Variants in ADCY3 observed in about 807,000 individuals in gnomAD.
The protein encoded by ADCY3 is adenylate cyclase 3.
Under a neutral mutation model 119.4 loss-of-function variants are expected in ADCY3, and 70 were observed. That is an observed-to-expected ratio of 0.59 (90% CI 0.48 to 0.72). The LOEUF is 0.72. ADCY3 is among the 30% of genes least tolerant of loss of function. The pLI is 0.00. For missense variants in ADCY3, 1,238 were observed against 1,541.6 expected, an observed-to-expected ratio of 0.80 and a Z score of 3.30; for synonymous variants, 672 against 621.4, an observed-to-expected ratio of 1.08 and a Z score of -1.21.
chr2:24,895,628 CTT>C (rs921200012), intron 2 of ADCY3, among the ~76,000 whole-genome samples: 1 of 145,944 alleles, frequency 6.9e-6, no homozygotes, highest in Non-Finnish European at 1.5e-5. Context: ...CTTTCTTCTT[CTT>C]TTTTTTTTTC....
At chr2:24,891,913 T>C (rs1677704563) in intron 2 of ADCY3, among the ~76,000 whole-genome samples, 1 of 152,148 alleles carries the variant, frequency 6.6e-6, no homozygotes, top group Non-Finnish European at 1.5e-5. Context: ...AGGAAAAATA[T>C]GGTATATATA....
chr2:24,872,918 T>A lies in ADCY3; in HGVS notation c.676-199A>T, dbSNP rs1423665171. 6.6e-6 allele frequency among the ~76,000 whole-genome samples: 1 copy of A among 152,124 alleles called. No individual in the cohort carries two copies. The highest frequency in any genetic ancestry group is 6.5e-5 in the Admixed American group (1 of 15,278). The stretch of plus-strand genomic sequence containing the variant: ...CACCACATGTACCACGGATGGGTGG[T>A]CCACCCAGGGGCATGGCTCAAGGCC... On this transcript the variant is annotated intron_variant, in intron 2 of 21. Coordinates refer to ENST00000679454, the MANE Select transcript of ADCY3 (RefSeq NM_004036.5). The surrounding 1 kb of genome is among the most constrained non-coding windows in gnomAD (Gnocchi z 4.4).
rs1225900836 is a variant in ADCY3 at position 24,838,682 on chromosome 2, G to A, written c.1356-60C>T. On this transcript the variant is annotated intron_variant, in intron 7 of 21. Transcript: ENST00000679454. ...CAGAGGTGGCCCTCACACCCCCAGG[G>A]GACAGTCCACGGACCACGGCTGCAC... The A allele has an allele frequency of 1.9e-6, 3 of 1,605,922 alleles. No individual in the cohort carries two copies. The African/African-American group carries it at 4.0e-5, about 21-fold the overall frequency.
chr2:24,877,760 G>GCA (rs1233363114), intron 2 of ADCY3, among the ~76,000 whole-genome samples: 1 of 152,218 alleles, frequency 6.6e-6, no homozygotes, highest in Non-Finnish European at 1.5e-5. Flanking sequence ...AAAGTGTTCT[G>GCA]CACACACACA....
chr2:24,885,044 C>A (rs935218081), intron 2 of ADCY3, among the ~76,000 whole-genome samples: 1 of 152,224 alleles, frequency 6.6e-6, no homozygotes, highest in Non-Finnish European at 1.5e-5. Flanking sequence ...AGGTCATGGA[C>A]CAGGCCTCTC....
chr2:24,879,407 T>A (rs977747562), intron 2 of ADCY3, among the ~76,000 whole-genome samples: 17 of 139,798 alleles, frequency 1.2e-4, no homozygotes, highest in African/African-American at 4.7e-4. Flanking sequence ...GAGCCGAGAT[T>A]GCGCCACTGC....
Position 24,889,145 on chromosome 2 carries a change from C to T in ADCY3, c.676-16426G>A, listed in dbSNP as rs142237876. 6.9e-3 allele frequency among the ~76,000 whole-genome samples: 1,054 copies of T among 152,344 alleles called. 9 individuals are homozygous for T. The highest frequency in any genetic ancestry group is 0.024 in the African/African-American group (1,004 of 41,570). ...ATGAAAGCTATTAGGGTGTGTCCTA[C>T]CTTCCCTTTTATTTCTGTGTCATTA... On this transcript the variant is annotated intron_variant, in intron 2 of 21. Coordinates refer to ENST00000679454, the MANE Select transcript of ADCY3 (RefSeq NM_004036.5).
In ADCY3 at chr2:24,898,629, AT is replaced by A. The variant is rs1269998946; in HGVS notation, c.675+19683del. ...TGCAGCACTGGAAAGGAGCCCTCCC[AT>A]TTCCGCCTCTGACTTCCTTTCCACA... is the stretch of plus-strand genomic sequence containing the variant. On this transcript the variant is annotated intron_variant, in intron 2 of 21. Transcript: ENST00000679454. This position sits in a 1 kb window ranked among gnomAD's most constrained non-coding sequence, Gnocchi z 4.3. Among the ~76,000 whole-genome samples, 1 of 152,084 alleles carries A rather than the reference AT, an allele frequency of 6.6e-6. No individual in the cohort carries two copies. The highest frequency in any genetic ancestry group is 1.5e-5 in the Non-Finnish European group (1 of 68,012).
chr2:24,842,864 C>T lies in ADCY3; in HGVS notation c.826-480G>A, dbSNP rs1671196152. ...GCCAGCGACACAAAACCAGCAAGAACGTCCACCTCAGAGAGCGGAGGGTCT... is the reference window on the plus strand; with the variant it reads ...GCCAGCGACACAAAACCAGCAAGAATGTCCACCTCAGAGAGCGGAGGGTCT... On this transcript the variant is annotated intron_variant, in intron 3 of 21. Transcript: ENST00000679454. The surrounding 1 kb of genome is among the most constrained non-coding windows in gnomAD (Gnocchi z 4.9). Among the ~76,000 whole-genome samples the T allele has an allele frequency of 6.6e-6, 1 of 152,242 alleles. No individual in the cohort carries two copies. Among genetic ancestry groups the T allele is most frequent in the Non-Finnish European group, 1.5e-5 (1 of 68,044 alleles).
chr2:24,891,276 A>T (rs1396732460), intron 2 of ADCY3, among the ~76,000 whole-genome samples: 2 of 152,212 alleles, frequency 1.3e-5, no homozygotes, highest in African/African-American at 4.8e-5. Flanking sequence ...TAAATGAAAA[A>T]TTTAAGAAAT....
chr2:24,880,917 A>C (rs915029862), intron 2 of ADCY3, among the ~76,000 whole-genome samples: 1 of 151,956 alleles, frequency 6.6e-6, no homozygotes, highest in Non-Finnish European at 1.5e-5. Context: ...CGGGAGGCTG[A>C]GGCAGGAGAA....
intron 2 of ADCY3, among the ~76,000 whole-genome samples, chr2:24,915,702 G>A (rs1375637339): frequency 6.6e-6 from 1 of 152,088 alleles, no homozygotes; most frequent in Non-Finnish European, 1.5e-5. Flanking sequence ...CATCACACCT[G>A]GCTAATTTTT....
intron 2 of ADCY3, among the ~76,000 whole-genome samples, chr2:24,911,681 C>A (rs950735901): frequency 1.4e-4 from 19 of 140,130 alleles, no homozygotes; most frequent in African/African-American, 5.8e-4. Context: ...CACCACCAAG[C>A]CCAGCTGAAT....
At chr2:24,850,039 G>A (rs559098886) in intron 3 of ADCY3, among the ~76,000 whole-genome samples, 46 of 151,880 alleles carry the variant, frequency 3.0e-4, no homozygotes, top group South Asian at 6.3e-4. Context: ...TCCTCTTCTC[G>A]GTACCCCTCC....
At chr2:24,829,119 C>T (rs999524912) in intron 13 of ADCY3, among the ~76,000 whole-genome samples, 3 of 151,730 alleles carry the variant, frequency 2.0e-5, no homozygotes, top group African/African-American at 2.4e-5. Flanking sequence ...CAGGTTCAAG[C>T]GATTCTCCTG....
At chr2:24,859,171 TG>T (rs947716922) in intron 3 of ADCY3, among the ~76,000 whole-genome samples, 11 of 152,330 alleles carry the variant, frequency 7.2e-5, no homozygotes, top group Admixed American at 4.6e-4. Flanking sequence ...AGGCTGATGC[TG>T]GGGGTGGGGA....
intron 2 of ADCY3, among the ~76,000 whole-genome samples, chr2:24,902,692 G>T (rs1458174324): frequency 6.6e-6 from 1 of 151,970 alleles, no homozygotes; most frequent in Non-Finnish European, 1.5e-5. Context: ...TGAAGATGCA[G>T]ATGAAGACCT....
intron 13 of ADCY3, among the ~76,000 whole-genome samples, chr2:24,829,166 G>A (rs1197307312): frequency 1.3e-5 from 2 of 151,874 alleles, no homozygotes; most frequent in South Asian, 2.1e-4. Flanking sequence ...ACAGGCTCGT[G>A]CCATTGTGGC....
chr2:24,897,534 A>G (rs1177652550), intron 2 of ADCY3, among the ~76,000 whole-genome samples: 1 of 152,116 alleles, frequency 6.6e-6, no homozygotes, highest in Admixed American at 6.5e-5. Context: ...AGAGGATCAG[A>G]GCACCTGACA....
Sources: gnomAD v4.1 joint callset for allele counts (sites outside exome capture counted in the v4.1 genomes callset) on GRCh38, gnomAD v4.1.1 for gene constraint, Gnocchi (gnomAD v3.1) non-coding constraint, MANE v1.5 for transcripts, NCBI Gene and HGNC (gene_info 2026-07-23, HGNC 2026-07-21) for gene names.